Variants in ABLIM1 observed in about 807,000 individuals in gnomAD.
ABLIM1 encodes the protein actin-binding LIM protein 1.
A neutral mutation model predicts 107.0 loss-of-function variants in ABLIM1; 40 were observed. That is an observed-to-expected ratio of 0.37 (90% CI 0.29 to 0.49). The LOEUF (loss-of-function observed/expected upper bound fraction) is 0.49, where lower values mean the gene tolerates loss of function less well. Among genes scored for constraint, ABLIM1 ranks in the 20% least tolerant of loss-of-function variants. The pLI is 0.97. For missense variants in ABLIM1, 857 were observed against 1,008.5 expected (o/e 0.85, Z 2.04); for synonymous variants, 357 against 357.3 (o/e 1.00, Z 0.01).
chr10:114,613,501 C>A (rs956267783), intron 1 of ABLIM1, among the ~76,000 whole-genome samples: 1 of 152,200 alleles, frequency 6.6e-6, no homozygotes, highest in African/African-American at 2.4e-5. Flanking sequence ...AAACATTTAC[C>A]GGCACACCAT....
chr10:114,445,755 C>A (rs1056650966), intron 15 of ABLIM1, among the ~76,000 whole-genome samples: 20 of 152,168 alleles, frequency 1.3e-4, no homozygotes, highest in Non-Finnish European at 2.5e-4. Flanking sequence ...ATTTTGATGT[C>A]TTTGAAGTGA....
chr10:114,760,580 A>AT (rs2082725029), intron 1 of ABLIM1, among the ~76,000 whole-genome samples: 1 of 152,252 alleles, frequency 6.6e-6, no homozygotes, highest in Non-Finnish European at 1.5e-5. Flanking sequence ...AATAATGGAG[A>AT]TAAAATAATC....
At chr10:114,457,390 C>T (rs1386378407) in intron 12 of ABLIM1, among the ~76,000 whole-genome samples, 5 of 152,096 alleles carry the variant, frequency 3.3e-5, no homozygotes, top group Non-Finnish European at 5.9e-5. Context: ...CTGCCTCAGC[C>T]TCCCAAGTAG....
At chr10:114,650,598 A>C (rs988205957) in intron 1 of ABLIM1, among the ~76,000 whole-genome samples, 1 of 152,198 alleles carries the variant, frequency 6.6e-6, no homozygotes, top group Non-Finnish European at 1.5e-5. Context: ...AATAAAACAA[A>C]AAAAAAGCTG....
chr10:114,541,998 T>C (rs542654591), intron 6 of ABLIM1, among the ~76,000 whole-genome samples: 7 of 152,086 alleles, frequency 4.6e-5, no homozygotes, highest in African/African-American at 1.4e-4. Context: ...CAGCTCCACA[T>C]GTGGACTAAG....
At chr10:114,745,417 C>T (rs1040520481) in intron 1 of ABLIM1, among the ~76,000 whole-genome samples, 5 of 148,962 alleles carry the variant, frequency 3.4e-5, no homozygotes, top group African/African-American at 1.2e-4. Flanking sequence ...AAAAATTAGC[C>T]AGGCATGGTG....
At chr10:114,675,559 C>T (rs2080444524) in intron 1 of ABLIM1, among the ~76,000 whole-genome samples, 1 of 152,310 alleles carries the variant, frequency 6.6e-6, no homozygotes, top group Admixed American at 6.5e-5. Context: ...TTATAAATTA[C>T]CCAGTCTCAG....
At chr10:114,487,533 G>A (rs1328455780) in intron 8 of ABLIM1, among the ~76,000 whole-genome samples, 1 of 152,200 alleles carries the variant, frequency 6.6e-6, no homozygotes, top group Non-Finnish European at 1.5e-5. Flanking sequence ...CTATTCTGGT[G>A]AATTTGGATC....
chr10:114,735,452 T>G (rs576329499), intron 1 of ABLIM1, among the ~76,000 whole-genome samples: 6 of 152,158 alleles, frequency 3.9e-5, no homozygotes, highest in Admixed American at 2.0e-4. Context: ...TGTTTTAGGT[T>G]AATAAATGTG....
rs905334788 is a variant in ABLIM1 at position 114,439,520 on chromosome 10, C to A, written c.2068-270G>T. On this transcript the variant is annotated intron_variant, in intron 20 of 22. Coordinates refer to ENST00000533213, the MANE Select transcript of ABLIM1 (RefSeq NM_002313.7). ...GCTCCATGAATGAAAGCATATAGTA[C>A]ATTTAAAAGATGCCCAAGTCTATTA... is the stretch of plus-strand genomic sequence containing the variant. The A allele has an allele frequency of 9.3e-6, 5 of 537,086 alleles. No homozygotes were observed. In the African/African-American group the frequency reaches 9.5e-5, roughly 10 times the overall value. The allele number at this position is 537,086 out of a possible 1,614,324, so 33.3% of individuals were successfully genotyped here. A position where few individuals can be genotyped will look rare whatever the true frequency, so the allele number is the denominator to read the frequency against.
At chr10:114,571,165 G>A (rs539406608) in intron 4 of ABLIM1, 132 bp downstream of exon 4, 1 of 728,936 alleles carries the variant, frequency 1.4e-6, no homozygotes, top group African/African-American at 1.7e-5. Context: ...GTCATCTTTG[G>A]AGAAATATCT....
At chr10:114,718,840 T>C (rs2081768184) in intron 1 of ABLIM1, among the ~76,000 whole-genome samples, 2 of 152,202 alleles carry the variant, frequency 1.3e-5, no homozygotes, top group South Asian at 4.1e-4. Context: ...GTATGTATGG[T>C]TGCTTTCATG....
intron 2 of ABLIM1, among the ~76,000 whole-genome samples, chr10:114,589,805 G>A (rs893276070): frequency 3.3e-5 from 5 of 152,086 alleles, no homozygotes; most frequent in Admixed American, 2.6e-4. Context: ...AAAAATTACA[G>A]GGAGCTAAGG....
chr10:114,727,346 A>G (rs533462541), intron 1 of ABLIM1, among the ~76,000 whole-genome samples: 46 of 152,374 alleles, frequency 3.0e-4, no homozygotes, highest in African/African-American at 1.1e-3. Context: ...GTATAATGCG[A>G]TATCTAGGAA....
rs189044106 is a variant in ABLIM1, at chr10:114,763,006, G to A, written c.-213+5055C>T. Among the ~76,000 whole-genome samples the A allele has an allele frequency of 9.2e-5, 14 of 152,288 alleles. No individual in the cohort carries two copies. In the South Asian group the frequency reaches 2.7e-3, roughly 29 times the overall value. ...TCTAAGATTTCGACAGCACACATGA[G>A]TTATTTCCCTGCCAGTGCAATGGAA... is the stretch of plus-strand genomic sequence containing the variant. On this transcript the variant is annotated intron_variant, in intron 1 of 15. Transcript: ENST00000651092.
intron 1 of ABLIM1, among the ~76,000 whole-genome samples, chr10:114,710,180 G>T (rs894777741): frequency 1.3e-5 from 2 of 152,148 alleles, no homozygotes; most frequent in Non-Finnish European, 2.9e-5. Context: ...ACTCAGTAGG[G>T]CTTTGGCAAC....
intron 6 of ABLIM1, among the ~76,000 whole-genome samples, chr10:114,521,103 A>T (rs1326929169): frequency 2.0e-5 from 3 of 152,242 alleles, no homozygotes; most frequent in Admixed American, 1.3e-4. Flanking sequence ...TATAAGCTCA[A>T]ATAATAGGGA....
intron 1 of ABLIM1, among the ~76,000 whole-genome samples, chr10:114,724,350 A>G (rs1424463418): frequency 6.6e-6 from 1 of 152,210 alleles, no homozygotes; most frequent in African/African-American, 2.4e-5. Context: ...AGTATGAGCA[A>G]GACTACAAAG....
At chr10:114,486,007 C>T (rs974819565) in intron 8 of ABLIM1, among the ~76,000 whole-genome samples, 1 of 152,182 alleles carries the variant, frequency 6.6e-6, no homozygotes, top group Non-Finnish European at 1.5e-5. Flanking sequence ...AAGACAGTGA[C>T]CCAGAGCACT....
Sources: allele counts gnomAD v4.1 joint callset (sites outside exome capture counted in the v4.1 genomes callset), GRCh38; gene constraint gnomAD v4.1.1; transcripts MANE v1.5; gene names NCBI Gene and HGNC (gene_info 2026-07-23, HGNC 2026-07-21).